The following MACROD2 variants were observed in gnomAD, a reference collection of about 807,000 sequenced individuals.
MACROD2 encodes the protein mono-ADP ribosylhydrolase 2.
In MACROD2, 36 loss-of-function variants were observed where a neutral mutation model predicts 70.4. The ratio of observed to expected loss-of-function variants is 0.51; its 90% CI spans 0.39 to 0.68. The LOEUF is 0.68. Among genes scored for constraint, MACROD2 ranks in the 30% least tolerant of loss-of-function variants. The probability of loss-of-function intolerance (pLI) is 0.00; values close to 1 mark genes in which losing one functional copy is unlikely to be tolerated. For synonymous variants in MACROD2, 172 were observed against 178.8 expected, an observed-to-expected ratio of 0.96 and a Z score of 0.30; for missense variants, 496 against 538.4, an observed-to-expected ratio of 0.92 and a Z score of 0.78.
At chr20:14,611,226 A>T (rs977514165) in intron 4 of MACROD2, among the ~76,000 whole-genome samples, 37 of 152,216 alleles carry the variant, frequency 2.4e-4, no homozygotes, top group African/African-American at 8.9e-4. Context: ...GTGTTTCCTT[A>T]TCTGTGAAAT....
intron 6 of MACROD2, among the ~76,000 whole-genome samples, chr20:15,252,285 A>G (rs1444260778): frequency 6.6e-6 from 1 of 152,238 alleles, no homozygotes. Context: ...TAGAAGGAAC[A>G]TATAGTTTAA....
chr20:14,837,920 A>G (rs566196763), intron 5 of MACROD2, among the ~76,000 whole-genome samples: 159 of 150,422 alleles, frequency 1.1e-3, no homozygotes, highest in African/African-American at 3.6e-3. Flanking sequence ...GGAAATGTCA[A>G]CTATTATCAG....
chr20:14,443,510 TG>T (rs2084149682), intron 3 of MACROD2, among the ~76,000 whole-genome samples: 1 of 152,096 alleles, frequency 6.6e-6, no homozygotes, highest in African/African-American at 2.4e-5. Context: ...TTGGTCAGGC[TG>T]GTCTTGAACT....
chr20:15,969,723 C>T (rs1601240083), intron 13 of MACROD2, among the ~76,000 whole-genome samples: 1 of 152,054 alleles, frequency 6.6e-6, no homozygotes, highest in Non-Finnish European at 1.5e-5. Context: ...AAGTCTATCA[C>T]AAGTACAGTT....
In MACROD2 at chr20:14,002,280, T is replaced by C; in HGVS notation, c.47-8T>C. 1 of 1,550,410 alleles carries C rather than the reference T, an allele frequency of 6.4e-7. No individual in the cohort carries two copies. Among genetic ancestry groups the C allele is most frequent in the Non-Finnish European group, 8.8e-7 (1 of 1,140,608 alleles). ...ATACAAATGGAGATTCTGCTTTTAT[T>C]TTGCAAGAACGTTTATTGAAGATGA... On this transcript the variant is annotated splice_region_variant and splice_polypyrimidine_tract_variant and intron_variant, in intron 1 of 17. Coordinates refer to ENST00000684519, the MANE Select transcript of MACROD2 (RefSeq NM_001351661.2).
chr20:15,625,807 A>C (rs6079911), intron 8 of MACROD2, among the ~76,000 whole-genome samples: 6,865 of 149,282 alleles, frequency 0.046, 217 homozygotes, highest in South Asian at 0.1. Context: ...AATACATGCA[A>C]ACTTTCTTCT....
intron 8 of MACROD2, among the ~76,000 whole-genome samples, chr20:15,839,278 A>C (rs2064146208): frequency 6.6e-6 from 1 of 152,102 alleles, no homozygotes; most frequent in South Asian, 2.1e-4. Context: ...CTCTTTCATC[A>C]CATGATGAAC....
At chr20:14,777,535 T>C (rs1265183816) in intron 5 of MACROD2, among the ~76,000 whole-genome samples, 2 of 152,060 alleles carry the variant, frequency 1.3e-5, no homozygotes, top group Admixed American at 6.6e-5. Flanking sequence ...ATTTTTCTAA[T>C]GTTTGCTTGG....
At chr20:15,772,601 G>GA (rs2051654379) in intron 8 of MACROD2, among the ~76,000 whole-genome samples, 1 of 152,024 alleles carries the variant, frequency 6.6e-6, no homozygotes, top group African/African-American at 2.4e-5. Flanking sequence ...CCAGACTCAG[G>GA]AAAGAGGCTT....
At chr20:15,333,491 T>C (rs2078015543) in intron 6 of MACROD2, among the ~76,000 whole-genome samples, 1 of 151,570 alleles carries the variant, frequency 6.6e-6, no homozygotes. Context: ...AGAGAAATTT[T>C]CTCAAGAGCT....
intron 5 of MACROD2, among the ~76,000 whole-genome samples, chr20:14,982,918 G>C (rs2074814711): frequency 6.6e-6 from 1 of 152,166 alleles, no homozygotes. Flanking sequence ...TCCACTGACA[G>C]CTTGTACCAT....
intron 6 of MACROD2, among the ~76,000 whole-genome samples, chr20:15,286,970 AAG>A (rs2077497592): frequency 6.6e-6 from 1 of 152,204 alleles, no homozygotes; most frequent in Non-Finnish European, 1.5e-5. Context: ...TAGAAAAAAA[AAG>A]AGACGCTACA....
chr20:14,752,083 C>T lies in MACROD2; in HGVS notation c.418+67124C>T, dbSNP rs868714422. 2.9e-3 allele frequency among the ~76,000 whole-genome samples: 368 copies of T among 126,848 alleles called. 5 individuals are homozygous for T. Among genetic ancestry groups the T allele is most frequent in the African/African-American group, 0.01 (344 of 33,940 alleles). The allele number at this position is 126,848 out of a possible 152,430, so 83.2% of individuals were successfully genotyped here. On this transcript the variant is annotated intron_variant, in intron 5 of 17. Transcript: ENST00000684519. ...AGACCTGGTACCACCATCTCCTCAT[C>T]TTTTTTTTTTTTTTTTTTTAATATG...
chr20:14,646,983 G>A (rs892591930), intron 4 of MACROD2, among the ~76,000 whole-genome samples: 2 of 152,082 alleles, frequency 1.3e-5, no homozygotes, highest in African/African-American at 2.4e-5. Flanking sequence ...CCACACATCT[G>A]AATATTTGCT....
At chr20:14,703,201 T>G (rs1333513845) in intron 5 of MACROD2, among the ~76,000 whole-genome samples, 1 of 152,140 alleles carries the variant, frequency 6.6e-6, no homozygotes, top group East Asian at 1.9e-4. Context: ...AGATGAACAT[T>G]TTTTGGGTAC....
chr20:15,898,877 T>G (rs1415656161), intron 10 of MACROD2, among the ~76,000 whole-genome samples: 1 of 151,982 alleles, frequency 6.6e-6, no homozygotes, highest in Non-Finnish European at 1.5e-5. Flanking sequence ...TAAATATATA[T>G]AGATAGCACA....
chr20:14,372,255 A>T (rs1600171919), intron 3 of MACROD2, among the ~76,000 whole-genome samples: 1 of 152,190 alleles, frequency 6.6e-6, no homozygotes, highest in African/African-American at 2.4e-5. Context: ...TTTATTTATT[A>T]TATGTATGCA....
intron 5 of MACROD2, among the ~76,000 whole-genome samples, chr20:14,782,569 A>T (rs1465220734): frequency 1.3e-5 from 2 of 152,042 alleles, no homozygotes; most frequent in Non-Finnish European, 2.9e-5. Flanking sequence ...ATTGAATTGG[A>T]CACCCACATC....
chr20:14,685,165 TTA>T (rs369003401), intron 5 of MACROD2: 201 of 215,858 alleles, frequency 9.3e-4, no homozygotes, highest in Middle Eastern at 3.6e-3. Flanking sequence ...ACTGTGTATA[TTA>T]TATATATATA....
Sources: gnomAD v4.1 joint callset for allele counts (sites outside exome capture counted in the v4.1 genomes callset) on GRCh38, gnomAD v4.1.1 for gene constraint, MANE v1.5 for transcripts, NCBI Gene and HGNC (gene_info 2026-07-23, HGNC 2026-07-21) for gene names.